The following METRNL variants were observed in gnomAD, a reference collection of about 807,000 sequenced individuals.
METRNL encodes the protein meteorin-like protein.
In METRNL, 9 loss-of-function variants were observed where a neutral mutation model predicts 17.4. The ratio of observed to expected loss-of-function variants is 0.52; its 90% CI spans 0.31 to 0.90. METRNL has a LOEUF of 0.90. METRNL is among the 40% of genes least tolerant of loss of function. METRNL has a pLI of 0.05. For synonymous variants in METRNL, 215 were observed against 199.3 expected, an observed-to-expected ratio of 1.08 and a Z score of -0.66; for missense variants, 408 against 430.7, an observed-to-expected ratio of 0.95 and a Z score of 0.47.
intron 2 of METRNL, among the ~76,000 whole-genome samples, chr17:83,090,085 G>C (rs2038101350): frequency 1.3e-5 from 2 of 151,886 alleles, no homozygotes; most frequent in African/African-American, 4.8e-5. Flanking sequence ...CCCCGGGGTG[G>C]GACGCATGTG....
chr17:83,087,848 T>A (rs2038070467), intron 2 of METRNL, among the ~76,000 whole-genome samples: 1 of 152,124 alleles, frequency 6.6e-6, no homozygotes, highest in Non-Finnish European at 1.5e-5. Context: ...CGTCTGTGTG[T>A]CAGAAGTTCC....
chr17:83,080,518 C>CCGCCCCCGCCGCGGGCCGA (rs2037970686), intron 1 of METRNL, among the ~76,000 whole-genome samples: 1 of 132,890 alleles, frequency 7.5e-6, no homozygotes, highest in Non-Finnish European at 1.6e-5. Flanking sequence ...GCCCCTGCCC[C>CCGCCCCCGCCGCGGGCCGA]GTGAAGGTCA....
chr17:83,087,378 C>T (rs1239070306), intron 2 of METRNL, among the ~76,000 whole-genome samples: 3 of 152,254 alleles, frequency 2.0e-5, no homozygotes, highest in African/African-American at 7.2e-5. Context: ...TCACCGGGGG[C>T]CCCCGGAGCT....
intron 3 of METRNL, among the ~76,000 whole-genome samples, chr17:83,093,899 G>A (rs2038170505): frequency 6.6e-6 from 1 of 152,186 alleles, no homozygotes; most frequent in Admixed American, 6.5e-5. Flanking sequence ...CGCGAAGGCT[G>A]TCCCCATGCC....
At chr17:83,087,622 T>C (rs1277359111) in intron 2 of METRNL, among the ~76,000 whole-genome samples, 1 of 152,192 alleles carries the variant, frequency 6.6e-6, no homozygotes, top group South Asian at 2.1e-4. Flanking sequence ...GGAATGTCGG[T>C]GCCGGCCGTC....
At chr17:83,080,538 T>G (rs2037971018) in intron 1 of METRNL, among the ~76,000 whole-genome samples, 1 of 106,508 alleles carries the variant, frequency 9.4e-6, no homozygotes. Flanking sequence ...AGGCCGCCCT[T>G]GGCCGCGGCG....
chr17:83,080,912 G>A (rs1415483536), intron 1 of METRNL, among the ~76,000 whole-genome samples: 7 of 151,182 alleles, frequency 4.6e-5, no homozygotes, highest in African/African-American at 1.5e-4. Flanking sequence ...GTGATGTCGA[G>A]CGAAGCTGTT....
rs200600941 is a variant in METRNL, at chr17:83,094,410, G to A, written c.771G>A (p.Leu257=). 1.2e-5 allele frequency: 19 copies of A among 1,606,488 alleles called. No homozygotes were observed. The highest frequency in any genetic ancestry group is 1.7e-4 in the Middle Eastern group (1 of 6,042). Residue 257 remains leucine, a synonymous_variant, in exon 4 of 4, where the codon CTG becomes CTA. Transcript: ENST00000320095. The stretch of plus-strand genomic sequence containing the variant: ...ACTGGCAGGGGCGCGTCAGGACGCT[G>A]CTGGAGTGTGGCGTGCGGCCGGGGC... ...DGHWQGRVRT[L]LECGVRPGHG...
chr17:83,091,172 C>T (rs891449275), intron 2 of METRNL, among the ~76,000 whole-genome samples: 5 of 151,760 alleles, frequency 3.3e-5, no homozygotes, highest in African/African-American at 1.2e-4. Context: ...CAGGCTGGAC[C>T]GGCCTCAAGG....
intron 1 of METRNL, 69 bp from the exon 2 acceptor site, chr17:83,084,866 GACT>G: frequency 6.5e-7 from 1 of 1,534,274 alleles, no homozygotes; most frequent in East Asian, 2.3e-5. Context: ...CGTCCTCACT[GACT>G]CTCTGTGGGT....
chr17:83,087,548 T>TA (rs2038066125), intron 2 of METRNL, among the ~76,000 whole-genome samples: 1 of 152,162 alleles, frequency 6.6e-6, no homozygotes, highest in Non-Finnish European at 1.5e-5. Flanking sequence ...CCCAGGGTAT[T>TA]CGCCTTTCAT....
At chr17:83,084,632 T>G in intron 1 of METRNL, 1 of 460,746 alleles carries the variant, frequency 2.2e-6, no homozygotes. Flanking sequence ...CTCTTGAGTG[T>G]TGGAGGGTGT....
chr17:83,083,382 A>G (rs1475213451), intron 1 of METRNL, among the ~76,000 whole-genome samples: 5 of 152,232 alleles, frequency 3.3e-5, no homozygotes, highest in Non-Finnish European at 5.9e-5. Context: ...GCAGGAGGAC[A>G]GTGGCCTCGA....
chr17:83,094,388 G>A lies in METRNL; in HGVS notation c.749G>A (p.Trp250Ter). 6.2e-7 allele frequency: 1 copy of A among 1,610,570 alleles called. No homozygotes were observed. The highest frequency in any genetic ancestry group is 1.3e-5 in the African/African-American group (1 of 75,032). Residue 250 changes from tryptophan (W) to a stop codon, truncating the protein, a stop_gained, in exon 4 of 4, where the codon TGG becomes TAG. Transcript: ENST00000320095. LOFTEE classifies it high-confidence loss of function. Reference protein sequence around the residue: ...FEPVPEGDGHWQGRVRTLLEC... With the variant: ...FEPVPEGDGH ...CCGGTGCCCGAGGGTGACGGCCACT[G>A]GCAGGGGCGCGTCAGGACGCTGCTG...
In METRNL at chr17:83,091,210, C is replaced by T. The variant is rs1462352020; in HGVS notation, c.557-1957C>T. Among the ~76,000 whole-genome samples the T allele has an allele frequency of 2.6e-5, 4 of 151,488 alleles. No homozygotes were observed. In the East Asian group the frequency reaches 7.8e-4, roughly 29 times the overall value. Reference sequence around the variant, plus strand: ...CTCAGCAGTGCCAGGCTGGACCGGCCTCGAGGCGCCCCCAGTGCCAGGCTG... The same window carrying T: ...CTCAGCAGTGCCAGGCTGGACCGGCTTCGAGGCGCCCCCAGTGCCAGGCTG... On this transcript the variant is annotated intron_variant, in intron 2 of 3. Transcript: ENST00000320095.
intron 2 of METRNL, among the ~76,000 whole-genome samples, chr17:83,090,631 G>A (rs1189108203): frequency 1.3e-5 from 2 of 150,070 alleles, no homozygotes; most frequent in African/African-American, 4.9e-5. Context: ...CCCAGCCGGA[G>A]GGTGCTGCTC....
chr17:83,085,257 A>G lies in METRNL; in HGVS notation c.490A>G (p.Arg164Gly). ...EATPQQDIGR[R>G]TTGFQYELVR... Reference sequence around the variant, plus strand: ...CACGCCGCAGCAGGATATCGGCCGGAGGACCACAGGCTTCCAGTACGAGCT... The same window carrying G: ...CACGCCGCAGCAGGATATCGGCCGGGGGACCACAGGCTTCCAGTACGAGCT... The change falls in exon 2 of 4, where the codon AGG (arginine) becomes GGG (glycine). Residue 164 changes from arginine to glycine, a missense_variant. Coordinates refer to ENST00000320095, the MANE Select transcript of METRNL (RefSeq NM_001004431.3). 1 of 1,567,914 alleles carries G rather than the reference A, an allele frequency of 6.4e-7. No homozygotes were observed. Among genetic ancestry groups the G allele is most frequent in the Non-Finnish European group, 8.7e-7 (1 of 1,155,470 alleles).
Position 83,083,304 on chromosome 17 carries a change from C to T in METRNL, c.171-1634C>T, listed in dbSNP as rs185815124. On this transcript the variant is annotated intron_variant, in intron 1 of 3. Coordinates refer to ENST00000320095, the MANE Select transcript of METRNL (RefSeq NM_001004431.3). ...CGCTCCCTCGACCTTCAGGACTCCC[C>T]GAGAGGGAGGCAACGTGTCAGGACG... 1.9e-3 allele frequency among the ~76,000 whole-genome samples: 291 copies of T among 152,290 alleles called. 1 individual carries two copies. The highest frequency in any genetic ancestry group is 6.8e-3 in the African/African-American group (284 of 41,560).
rs573472858 is a variant in METRNL, at chr17:83,089,533, C to T, written c.557-3634C>T. On this transcript the variant is annotated intron_variant, in intron 2 of 3. Coordinates refer to ENST00000320095, the MANE Select transcript of METRNL (RefSeq NM_001004431.3). ...AGCAGCGTCCCCAACCCCACCCTGC[C>T]GGTCCCTCCCACCCTGTTCATGCTA... Among the ~76,000 whole-genome samples the T allele has an allele frequency of 3.4e-4, 52 of 152,104 alleles. No homozygotes were observed. In the South Asian group the frequency reaches 3.9e-3, roughly 12 times the overall value.
Sources: gnomAD v4.1 joint callset for allele counts (sites outside exome capture counted in the v4.1 genomes callset) on GRCh38, gnomAD v4.1.1 for gene constraint, MANE v1.5 for transcripts, NCBI Gene and HGNC (gene_info 2026-07-23, HGNC 2026-07-21) for gene names.